The following SEL1L2 variants were observed in gnomAD, a reference collection of about 807,000 sequenced individuals.
The protein encoded by SEL1L2 is SEL1L2 adaptor subunit of SYVN1 ubiquitin ligase, also known as protein sel-1 homolog 2.
A neutral mutation model predicts 98.8 loss-of-function variants in SEL1L2; 89 were observed. That is an observed-to-expected ratio of 0.90 (90% CI 0.76 to 1.07). SEL1L2 has a LOEUF of 1.07. Ranked by LOEUF, SEL1L2 falls within the 50% of genes least tolerant of loss-of-function variation. The pLI, the probability that SEL1L2 is intolerant of heterozygous loss-of-function variation, is 0.00. For synonymous variants in SEL1L2, 262 were observed against 278.5 expected, an observed-to-expected ratio of 0.94 and a Z score of 0.59; for missense variants, 788 against 812.0, an observed-to-expected ratio of 0.97 and a Z score of 0.36.
intron 1 of SEL1L2, among the ~76,000 whole-genome samples, chr20:13,972,951 T>C (rs574711190): frequency 3.0e-4 from 46 of 152,310 alleles, no homozygotes; most frequent in Non-Finnish European, 5.4e-4. Flanking sequence ...TAGGGAATTT[T>C]ATTTGATTTA....
intron 1 of SEL1L2, among the ~76,000 whole-genome samples, chr20:13,985,879 G>A (rs751842492): frequency 1.4e-4 from 21 of 152,122 alleles, no homozygotes; most frequent in Non-Finnish European, 2.9e-4. Flanking sequence ...GCTTATTATG[G>A]ACATTTCATA....
chr20:13,855,980 C>T (rs537813177), intron 18 of SEL1L2, among the ~76,000 whole-genome samples: 1 of 152,162 alleles, frequency 6.6e-6, no homozygotes, highest in Non-Finnish European at 1.5e-5. Flanking sequence ...TTGAAGACCC[C>T]TGAGTAGTCT....
chr20:13,892,622 A>G (rs1025506280), intron 5 of SEL1L2, among the ~76,000 whole-genome samples: 1 of 152,226 alleles, frequency 6.6e-6, no homozygotes, highest in Non-Finnish European at 1.5e-5. Context: ...AAAGAAGGAC[A>G]AAATAACTAC....
chr20:13,897,986 A>C (rs2047497227), intron 5 of SEL1L2, among the ~76,000 whole-genome samples: 1 of 152,054 alleles, frequency 6.6e-6, no homozygotes, highest in African/African-American at 2.4e-5. Flanking sequence ...GAAAATAAAA[A>C]CCGCTGGTGA....
chr20:13,932,407 A>AATTATT lies in SEL1L2; in HGVS notation c.115-642_115-637dup, dbSNP rs140408055. On this transcript the variant is annotated intron_variant, in intron 2 of 19. Coordinates refer to ENST00000284951, the MANE Select transcript of SEL1L2 (RefSeq NM_025229.2). The stretch of plus-strand genomic sequence containing the variant: ...GAAACATTAAAATTTTTCCTTTGTC[A>AATTATT]ATTATTATTATTATTATTATTATTA... 4.3e-4 allele frequency among the ~76,000 whole-genome samples: 63 copies of AATTATT among 144,926 alleles called. 1 individual carries two copies. Among genetic ancestry groups the AATTATT allele is most frequent in the South Asian group, 1.1e-3 (5 of 4,450 alleles).
chr20:13,859,304 G>A lies in SEL1L2; in HGVS notation c.1776C>T (p.Phe592=). 1 of 1,614,148 alleles carries A rather than the reference G, an allele frequency of 6.2e-7. No individual in the cohort carries two copies. The highest frequency in any genetic ancestry group is 8.5e-7 in the Non-Finnish European group (1 of 1,180,004). The change falls in exon 18 of 20, where the codon TTC becomes TTT. Residue 592 remains phenylalanine, a synonymous_variant. Transcript: ENST00000284951. ...CGTGTTCATACATATAAGCCAGATT[G>A]AACATGGCTTGCGCGTTGTGGTATT... The part of the protein sequence containing the change: ...ANKYHNAQAM[F]NLAYMYEHGL...
chr20:13,916,084 T>C (rs1340030527), intron 4 of SEL1L2, among the ~76,000 whole-genome samples: 2 of 152,208 alleles, frequency 1.3e-5, no homozygotes, highest in African/African-American at 4.8e-5. Context: ...TCTGACACGC[T>C]TGCTTAATAT....
chr20:13,993,179 A>T (rs937739895), upstream of SEL1L2, among the ~76,000 whole-genome samples: 2 of 152,212 alleles, frequency 1.3e-5, no homozygotes, highest in African/African-American at 4.8e-5. Flanking sequence ...AGTCCAGCTA[A>T]ATTCAGACTA....
chr20:13,968,472 G>A, intron 1 of SEL1L2, among the ~76,000 whole-genome samples: 1 of 152,246 alleles, frequency 6.6e-6, no homozygotes, highest in Non-Finnish European at 1.5e-5. Context: ...TTGGAGAAAT[G>A]CAAATTATAA....
chr20:13,955,344 T>C (rs2050479913), intron 2 of SEL1L2, among the ~76,000 whole-genome samples: 1 of 151,948 alleles, frequency 6.6e-6, no homozygotes, highest in Admixed American at 6.6e-5. Context: ...GGAAGAACCT[T>C]CTGAAAAGAT....
intron 4 of SEL1L2, among the ~76,000 whole-genome samples, chr20:13,918,465 T>C: frequency 6.6e-6 from 1 of 152,180 alleles, no homozygotes. Context: ...AACAAGACCA[T>C]GTGGCCACAG....
At chr20:13,896,457 G>T (rs996506601) in intron 5 of SEL1L2, among the ~76,000 whole-genome samples, 21 of 151,866 alleles carry the variant, frequency 1.4e-4, no homozygotes, top group African/African-American at 5.1e-4. Flanking sequence ...GCGACAGAGT[G>T]GGACGCAGTC....
intron 17 of SEL1L2, among the ~76,000 whole-genome samples, chr20:13,860,855 C>T (rs538311665): frequency 6.6e-6 from 1 of 152,296 alleles, no homozygotes; most frequent in South Asian, 2.1e-4. Flanking sequence ...GGATTTCAAA[C>T]TTAAAATGCC....
At chr20:13,877,003 T>G (rs927557736) in intron 11 of SEL1L2, among the ~76,000 whole-genome samples, 1 of 152,062 alleles carries the variant, frequency 6.6e-6, no homozygotes, top group Non-Finnish European at 1.5e-5. Context: ...TTTGTAGTTT[T>G]AGTAGAGACG....
intron 14 of SEL1L2, among the ~76,000 whole-genome samples, chr20:13,868,244 T>C (rs2046016223): frequency 6.6e-6 from 1 of 151,988 alleles, no homozygotes; most frequent in South Asian, 2.1e-4. Context: ...TTCCACCCTC[T>C]CTCCAGTCTT....
At chr20:13,978,179 G>C (rs761663509) in intron 1 of SEL1L2, among the ~76,000 whole-genome samples, 6 of 152,160 alleles carry the variant, frequency 3.9e-5, no homozygotes, top group Non-Finnish European at 8.8e-5. Context: ...GAACAGGATA[G>C]AGAGCTCAGA....
At chr20:13,933,792 G>C (rs1028406195) in intron 2 of SEL1L2, among the ~76,000 whole-genome samples, 8 of 151,996 alleles carry the variant, frequency 5.3e-5, no homozygotes, top group African/African-American at 1.9e-4. Flanking sequence ...GTTTTGTTTT[G>C]CTTTGTGTCA....
chr20:13,870,189 G>A lies in SEL1L2; in HGVS notation c.1119C>T (p.Gly373=), dbSNP rs185157057. 6.2e-7 allele frequency: 1 copy of A among 1,610,910 alleles called. No homozygotes were observed. The highest frequency in any genetic ancestry group is 1.3e-5 in the African/African-American group (1 of 74,820). Residue 373 remains glycine, a synonymous_variant, in exon 13 of 20, where the codon GGC becomes GGT. Transcript: ENST00000284951. ...AGTAAAGAAGACCAAGCCCATGAAG[G>A]CCGATTGCATTGCCCTAGAAGAGTT... ...SMAASKGNAI[G]LHGLGLLYFH...
In SEL1L2 at chr20:13,849,387, T is replaced by A; in HGVS notation, c.*98A>T. ...CCCATCACAGCCCTGAGCGGGAAAC[T>A]GCAGCGGACTCTTGATTTGGATGGG... On this transcript the variant is annotated 3_prime_UTR_variant, in exon 20 of 20. Coordinates refer to ENST00000284951, the MANE Select transcript of SEL1L2 (RefSeq NM_025229.2). 2 of 1,470,970 alleles carry A rather than the reference T, an allele frequency of 1.4e-6. No individual in the cohort carries two copies. The highest frequency in any genetic ancestry group is 1.9e-6 in the Non-Finnish European group (2 of 1,073,304). The allele number at this position is 1,470,970 out of a possible 1,614,324, so 91.1% of individuals were successfully genotyped here. A position where few individuals can be genotyped will look rare whatever the true frequency, so the allele number is the denominator to read the frequency against.
Sources: allele counts gnomAD v4.1 joint callset (sites outside exome capture counted in the v4.1 genomes callset), GRCh38; gene constraint gnomAD v4.1.1; transcripts MANE v1.5; gene names NCBI Gene and HGNC (gene_info 2026-07-23, HGNC 2026-07-21).